NRXN3: variants seen among roughly 807,000 people sequenced by gnomAD.
NRXN3 encodes neurexin 3, also known as neurexin III.
Under a neutral mutation model 137.6 loss-of-function variants are expected in NRXN3, and 32 were observed. That is an observed-to-expected ratio of 0.23 (90% CI 0.18 to 0.31). NRXN3 has a LOEUF of 0.31. Ranked by LOEUF, NRXN3 falls within the 10% of genes least tolerant of loss-of-function variation. The pLI, the probability that NRXN3 is intolerant of heterozygous loss-of-function variation, is 1.00. For missense variants in NRXN3, 1,574 were observed against 2,062.5 expected (o/e 0.76, Z 4.59); for synonymous variants, 798 against 784.5 (o/e 1.02, Z -0.29).
chr14:79,608,402 A>T (rs1281872751), intron 16 of NRXN3, among the ~76,000 whole-genome samples: 1 of 152,206 alleles, frequency 6.6e-6, no homozygotes, highest in Non-Finnish European at 1.5e-5. Context: ...GGGTTAGGAA[A>T]GTTACAGAAC....
At chr14:79,626,630 T>C (rs2098284587) in intron 16 of NRXN3, among the ~76,000 whole-genome samples, 1 of 152,196 alleles carries the variant, frequency 6.6e-6, no homozygotes, top group Admixed American at 6.5e-5. Flanking sequence ...ATATGACATT[T>C]GATTTTATTG....
chr14:79,217,976 C>T (rs553318513), intron 15 of NRXN3, among the ~76,000 whole-genome samples: 1 of 152,074 alleles, frequency 6.6e-6, no homozygotes, highest in African/African-American at 2.4e-5. Flanking sequence ...AGATTAGTTC[C>T]CAGAGGACAC....
intron 15 of NRXN3, among the ~76,000 whole-genome samples, chr14:79,441,673 C>T (rs1034802690): frequency 6.6e-6 from 1 of 151,892 alleles, no homozygotes; most frequent in African/African-American, 2.4e-5. Flanking sequence ...AGCCACCACA[C>T]CCGACCGACA....
intron 15 of NRXN3, among the ~76,000 whole-genome samples, chr14:79,406,767 GT>G (rs1567038441): frequency 6.6e-6 from 1 of 152,116 alleles, no homozygotes; most frequent in Non-Finnish European, 1.5e-5. Context: ...GTAATGCAAG[GT>G]TTTTCTGTAG....
chr14:79,217,078 A>C (rs1328861098), intron 15 of NRXN3, among the ~76,000 whole-genome samples: 1 of 152,140 alleles, frequency 6.6e-6, no homozygotes, highest in Admixed American at 6.6e-5. Context: ...CAGAGGTTGC[A>C]GTGAGCTGAG....
rs1236441517 is a variant in NRXN3, at chr14:79,863,515, AT to A, written c.*1553del. ...GTCACAGTTAACTGTGTCAAAGAGA[AT>A]TAAAAAAAAAAACTTCAGATTTTGT... On this transcript the variant is annotated 3_prime_UTR_variant, in exon 21 of 21. Coordinates refer to ENST00000335750, the MANE Select transcript of NRXN3 (RefSeq NM_001330195.2). The A allele has an allele frequency of 7.1e-6, 1 of 141,002 alleles. No homozygotes were observed. The highest frequency in any genetic ancestry group is 1.5e-5 in the Non-Finnish European group (1 of 66,866). The allele number at this position is 141,002 out of a possible 1,614,324, so 8.7% of individuals were successfully genotyped here. A position where few individuals can be genotyped will look rare whatever the true frequency, so the allele number is the denominator to read the frequency against.
intron 15 of NRXN3, among the ~76,000 whole-genome samples, chr14:79,376,247 TATATATATATATATATATACAC>T (rs1566950301): frequency 1.1e-5 from 1 of 92,614 alleles, no homozygotes; most frequent in Non-Finnish European, 2.3e-5. Flanking sequence ...TATATATATA[TATATATATATATATATATACAC>T]ATACATATGA....
At chr14:79,709,109 T>G (rs1383711085) in intron 19 of NRXN3, among the ~76,000 whole-genome samples, 1 of 152,104 alleles carries the variant, frequency 6.6e-6, no homozygotes, top group Non-Finnish European at 1.5e-5. Flanking sequence ...AAGCACAGAT[T>G]TTAATGCACG....
intron 10 of NRXN3, among the ~76,000 whole-genome samples, chr14:78,893,678 C>T (rs559508550): frequency 6.6e-6 from 1 of 152,034 alleles, no homozygotes; most frequent in Non-Finnish European, 1.5e-5. Flanking sequence ...ACTCCAGGAT[C>T]TTTGTTACAC....
intron 10 of NRXN3, among the ~76,000 whole-genome samples, chr14:78,909,179 C>T (rs1356354453): frequency 6.6e-6 from 1 of 152,082 alleles, no homozygotes; most frequent in Non-Finnish European, 1.5e-5. Context: ...GATCAAAATC[C>T]TAAAACATTT....
intron 19 of NRXN3, among the ~76,000 whole-genome samples, chr14:79,765,434 T>C (rs1165173822): frequency 6.6e-6 from 1 of 152,242 alleles, no homozygotes; most frequent in Non-Finnish European, 1.5e-5. Context: ...GTATTCTACA[T>C]GCAACAGTGC....
intron 2 of NRXN3, among the ~76,000 whole-genome samples, chr14:78,256,639 A>G (rs1329520487): frequency 6.6e-6 from 1 of 152,244 alleles, no homozygotes; most frequent in African/African-American, 2.4e-5. Context: ...TTCTTTGGGG[A>G]TGCAGGACCT....
At chr14:78,444,774 C>T (rs1166549002) in intron 4 of NRXN3, among the ~76,000 whole-genome samples, 4 of 151,672 alleles carry the variant, frequency 2.6e-5, no homozygotes, top group Admixed American at 2.6e-4. Context: ...ACAAAATGAG[C>T]CGGGCCTCAT....
At position 78,647,569 on chromosome 14, in the gene NRXN3, A is replaced by G. The variant is rs376071230; in HGVS notation, c.1059+2148A>G. On this transcript the variant is annotated intron_variant, in intron 5 of 20. Coordinates refer to ENST00000335750, the MANE Select transcript of NRXN3 (RefSeq NM_001330195.2). ...TGGCACCAAGGATGCAGCTAAGTGC[A>G]ATTCTCTGTTCTAGACAGGGATACA... Among the ~76,000 whole-genome samples, 20 of 152,344 alleles carry G rather than the reference A, an allele frequency of 1.3e-4. No individual in the cohort carries two copies. In the South Asian group the frequency reaches 1.4e-3, roughly 11 times the overall value.
At chr14:79,151,826 T>C (rs2059827068) in intron 15 of NRXN3, among the ~76,000 whole-genome samples, 2 of 152,154 alleles carry the variant, frequency 1.3e-5, no homozygotes, top group East Asian at 3.9e-4. Context: ...ATGTTTTCAA[T>C]GAATTTATGC....
At chr14:79,049,845 A>G (rs2099639317) in intron 15 of NRXN3, among the ~76,000 whole-genome samples, 1 of 151,880 alleles carries the variant, frequency 6.6e-6, no homozygotes, top group African/African-American at 2.4e-5. Context: ...TTGTACCACA[A>G]TTTAAAAATG....
chr14:79,394,919 T>G (rs2075831626), intron 15 of NRXN3, among the ~76,000 whole-genome samples: 1 of 152,184 alleles, frequency 6.6e-6, no homozygotes, highest in African/African-American at 2.4e-5. Context: ...TAAATGCAGT[T>G]CTGTCTAGCT....
chr14:78,362,762 T>TA (rs1394178814), intron 4 of NRXN3, among the ~76,000 whole-genome samples: 6 of 152,196 alleles, frequency 3.9e-5, no homozygotes, highest in African/African-American at 1.4e-4. Context: ...ACACATGACT[T>TA]TGGACTTGGT....
At chr14:79,578,868 A>T (rs191395118) in intron 16 of NRXN3, among the ~76,000 whole-genome samples, 1 of 152,100 alleles carries the variant, frequency 6.6e-6, no homozygotes, top group Non-Finnish European at 1.5e-5. Flanking sequence ...TCAAGAATCT[A>T]TATGTACAGT....
Sources: allele counts gnomAD v4.1 joint callset (sites outside exome capture counted in the v4.1 genomes callset), GRCh38; gene constraint gnomAD v4.1.1; transcripts MANE v1.5; gene names NCBI Gene and HGNC (gene_info 2026-07-23, HGNC 2026-07-21).